DEPTOR: variants seen among roughly 807,000 people sequenced by gnomAD.
DEPTOR encodes DEP domain containing MTOR interacting protein, also known as DEP domain-containing mTOR-interacting protein.
A neutral mutation model predicts 41.6 loss-of-function variants in DEPTOR; 41 were observed. That is an observed-to-expected ratio of 0.98 (90% CI 0.77 to 1.28). DEPTOR has a LOEUF of 1.28. Among genes scored for constraint, DEPTOR ranks in the 50% most tolerant of loss-of-function variants. The probability of loss-of-function intolerance (pLI) is 0.00; values close to 1 mark genes in which losing one functional copy is unlikely to be tolerated. For synonymous variants in DEPTOR, 195 were observed against 192.3 expected, an observed-to-expected ratio of 1.01 and a Z score of -0.12; for missense variants, 514 against 527.9, an observed-to-expected ratio of 0.97 and a Z score of 0.26.
At chr8:119,911,465 T>G (rs1827735884) in intron 1 of DEPTOR, among the ~76,000 whole-genome samples, 1 of 151,882 alleles carries the variant, frequency 6.6e-6, no homozygotes, top group Non-Finnish European at 1.5e-5. Context: ...ATTACAGGCA[T>G]GCACCACCAG....
At chr8:119,974,872 G>A (rs1053820283) in intron 4 of DEPTOR, among the ~76,000 whole-genome samples, 5 of 69,490 alleles carry the variant, frequency 7.2e-5, no homozygotes, top group African/African-American at 2.6e-4. Context: ...AAAACCAGAG[G>A]GTCAGAAAAA....
chr8:119,947,065 A>G (rs1032136868), intron 3 of DEPTOR, among the ~76,000 whole-genome samples: 1 of 152,186 alleles, frequency 6.6e-6, no homozygotes, highest in African/African-American at 2.4e-5. Flanking sequence ...TGCTTTAAAC[A>G]GATTAGCTCT....
At position 119,964,515 on chromosome 8, in the gene DEPTOR, C is replaced by CAAA. The variant is rs536731714; in HGVS notation, c.426-686_426-684dup. Among the ~76,000 whole-genome samples, 435 of 121,572 alleles carry CAAA rather than the reference C, an allele frequency of 3.6e-3. 6 individuals carry two copies. Among genetic ancestry groups the CAAA allele is most frequent in the African/African-American group, 6.0e-3 (183 of 30,406 alleles). 79.8% of individuals were successfully genotyped at this position (121,572 alleles called of 152,430 possible). Reference sequence around the variant, plus strand: ...GGGCAACAAGAGTGAAAGCCCGTCTCAAAAAAAAAAAAAAAAAAAAAAAAA... The same window carrying CAAA: ...GGGCAACAAGAGTGAAAGCCCGTCTCAAAAAAAAAAAAAAAAAAAAAAAAAAAA... On this transcript the variant is annotated intron_variant, in intron 3 of 8. Coordinates refer to ENST00000286234, the MANE Select transcript of DEPTOR (RefSeq NM_022783.4).
At chr8:119,888,646 A>G (rs1295888364) in intron 1 of DEPTOR, among the ~76,000 whole-genome samples, 1 of 152,150 alleles carries the variant, frequency 6.6e-6, no homozygotes, top group African/African-American at 2.4e-5. Context: ...GCTTGAGGCC[A>G]GGAGTTTGAG....
rs1812353553 is a variant in DEPTOR, at chr8:120,001,667, G to A, written c.747G>A (p.Arg249=). The change falls in exon 5 of 9, where the codon AGG becomes AGA. Residue 249 remains arginine, a synonymous_variant. Transcript: ENST00000286234. ...CTCATGACAGTCCCTTCTGCCTGAGGAAGCAGAGCCATGACAATCGGAAAT... is the reference window on the plus strand; with the variant it reads ...CTCATGACAGTCCCTTCTGCCTGAGAAAGCAGAGCCATGACAATCGGAAAT... ...QETHDSPFCL[R]KQSHDNRKST... is the part of the protein sequence containing the mutation. 1 of 1,613,970 alleles carries A rather than the reference G, an allele frequency of 6.2e-7. No homozygotes were observed. Among genetic ancestry groups the A allele is most frequent in the Non-Finnish European group, 8.5e-7 (1 of 1,179,956 alleles).
In DEPTOR at chr8:120,004,382, G is replaced by A. The variant is rs564553399; in HGVS notation, c.925+1271G>A. ...TGAGTACTGGGTTTTTCAATTACTG[G>A]AGCTTGCTGCTAAAGTAGAATGAAA... On this transcript the variant is annotated intron_variant, in intron 6 of 8. Coordinates refer to ENST00000286234, the MANE Select transcript of DEPTOR (RefSeq NM_022783.4). 3.3e-5 allele frequency among the ~76,000 whole-genome samples: 5 copies of A among 152,278 alleles called. No individual in the cohort carries two copies. The South Asian group carries it at 1.0e-3, about 32-fold the overall frequency.
At chr8:119,966,778 A>G (rs1019531618) in intron 4 of DEPTOR, among the ~76,000 whole-genome samples, 9 of 152,200 alleles carry the variant, frequency 5.9e-5, no homozygotes, top group Non-Finnish European at 1.0e-4. Flanking sequence ...TGCCGGGCCC[A>G]AGAGGCAGAT....
At chr8:119,922,329 G>T (rs10107579) in intron 1 of DEPTOR, among the ~76,000 whole-genome samples, 75,984 of 151,792 alleles carry the variant, frequency 0.5, 20,686 homozygotes, top group African/African-American at 0.7. Context: ...TCATAATATA[G>T]TCCTTCTCCT....
intron 8 of DEPTOR, among the ~76,000 whole-genome samples, chr8:120,025,634 A>G (rs1003712906): frequency 2.0e-5 from 3 of 152,134 alleles, no homozygotes; most frequent in Non-Finnish European, 2.9e-5. Flanking sequence ...CCTAGAAGTC[A>G]TGCTTGCTTT....
chr8:119,902,845 T>A (rs868314362), intron 1 of DEPTOR, among the ~76,000 whole-genome samples: 35 of 152,180 alleles, frequency 2.3e-4, no homozygotes, highest in South Asian at 4.1e-4. Context: ...GGGAATTTTT[T>A]AAAAATATGC....
intron 4 of DEPTOR, among the ~76,000 whole-genome samples, chr8:119,996,444 A>C (rs1812260483): frequency 6.6e-6 from 1 of 152,172 alleles, no homozygotes; most frequent in South Asian, 2.1e-4. Context: ...TGACTTCCTC[A>C]TGTTTGAGGT....
intron 1 of DEPTOR, among the ~76,000 whole-genome samples, chr8:119,901,946 T>G (rs1827599276): frequency 6.6e-6 from 1 of 152,170 alleles, no homozygotes. Flanking sequence ...TTTTTCAATT[T>G]TCCTTTTCTT....
intron 8 of DEPTOR, among the ~76,000 whole-genome samples, chr8:120,030,497 GTTTTTTTTTTTTTTTTT>G (rs1171655489): frequency 2.8e-4 from 13 of 46,192 alleles, no homozygotes; most frequent in Non-Finnish European, 4.1e-4. Flanking sequence ...AGGTTCATCA[GTTTTTTTTTTTTTTTTT>G]TTTTTTTTTT....
chr8:119,950,369 T>A (rs1828336435), intron 3 of DEPTOR, among the ~76,000 whole-genome samples: 1 of 152,198 alleles, frequency 6.6e-6, no homozygotes, highest in Non-Finnish European at 1.5e-5. Flanking sequence ...TACTGATCAT[T>A]GTGTTCAATA....
At chr8:119,964,926 A>G (rs1828537479) in intron 3 of DEPTOR, among the ~76,000 whole-genome samples, 1 of 152,070 alleles carries the variant, frequency 6.6e-6, no homozygotes, top group African/African-American at 2.4e-5. Flanking sequence ...ATACAAAATT[A>G]GCTGGGTGTG....
intron 3 of DEPTOR, among the ~76,000 whole-genome samples, chr8:119,941,808 T>C (rs918632241): frequency 5.9e-5 from 9 of 152,232 alleles, no homozygotes; most frequent in Non-Finnish European, 1.0e-4. Flanking sequence ...TTCACACAGC[T>C]GGAAAGTGTG....
chr8:119,880,746 A>T (rs1280012251), intron 1 of DEPTOR, among the ~76,000 whole-genome samples: 1 of 152,154 alleles, frequency 6.6e-6, no homozygotes. Flanking sequence ...GTGAATTTGG[A>T]CTCCACTGAT....
At chr8:119,971,020 G>A (rs1223178670) in intron 4 of DEPTOR, among the ~76,000 whole-genome samples, 2 of 152,130 alleles carry the variant, frequency 1.3e-5, no homozygotes, top group Non-Finnish European at 1.5e-5. Context: ...CACAAGGTCG[G>A]GAGATCGAGA....
intron 1 of DEPTOR, among the ~76,000 whole-genome samples, chr8:119,909,531 C>G (rs1827709731): frequency 6.6e-6 from 1 of 152,218 alleles, no homozygotes; most frequent in Admixed American, 6.5e-5. Flanking sequence ...AGAGAGAAAA[C>G]AGAGCCTTTA....
Sources: gnomAD v4.1 joint callset for allele counts (sites outside exome capture counted in the v4.1 genomes callset) on GRCh38, gnomAD v4.1.1 for gene constraint, MANE v1.5 for transcripts, NCBI Gene and HGNC (gene_info 2026-07-23, HGNC 2026-07-21) for gene names.